CSAD: variants seen among roughly 807,000 people sequenced by gnomAD.
The protein encoded by CSAD is P-selectin cytoplasmic tail-associated protein.
In CSAD, 47 loss-of-function variants were observed where a neutral mutation model predicts 61.5. The ratio of observed to expected loss-of-function variants is 0.76; its 90% CI spans 0.60 to 0.97. The LOEUF (loss-of-function observed/expected upper bound fraction) is 0.97. CSAD is among the 50% of genes least tolerant of loss of function. CSAD has a pLI of 0.00. For missense variants in CSAD, 611 were observed against 643.6 expected (o/e 0.95, Z 0.55); for synonymous variants, 245 against 252.7 (o/e 0.97, Z 0.29).
At chr12:53,171,284 T>C in intron 8 of CSAD, 42 bp downstream of exon 8, 1 of 1,613,100 alleles carries the variant, frequency 6.2e-7, no homozygotes, top group African/African-American at 1.3e-5. Context: ...GGCTGGAGAT[T>C]AGAATCAGGA....
chr12:53,161,675 T>A (rs1002984381), intron 10 of CSAD, among the ~76,000 whole-genome samples: 4 of 152,060 alleles, frequency 2.6e-5, no homozygotes, highest in Non-Finnish European at 4.4e-5. Context: ...TGAAAAAAAA[T>A]TGAGTCAGGC....
chr12:53,178,415 C>A (rs757839213), intron 2 of CSAD: 2 of 455,808 alleles, frequency 4.4e-6, no homozygotes, highest in East Asian at 7.0e-5. Context: ...TTCCTTGAGC[C>A]CAGGAGGTTG....
intron 10 of CSAD, chr12:53,164,860 A>C (rs1210655985): frequency 6.6e-6 from 1 of 152,202 alleles, no homozygotes; most frequent in African/African-American, 2.4e-5. Flanking sequence ...AGACAACATA[A>C]TTTTTTTAAT....
intron 10 of CSAD, among the ~76,000 whole-genome samples, chr12:53,168,560 G>A (rs1294302056): frequency 7.2e-5 from 11 of 151,736 alleles, no homozygotes; most frequent in Admixed American, 6.6e-4. Flanking sequence ...CATTCTATAC[G>A]GCAATTTGCA....
At chr12:53,169,961 G>A (rs1374686108) in intron 10 of CSAD, 111 bp downstream of exon 10, 1 of 919,174 alleles carries the variant, frequency 1.1e-6, no homozygotes, top group Non-Finnish European at 1.8e-6. Flanking sequence ...GCCCACAGGG[G>A]AGATGGGCAT....
rs1939030700 is a variant in CSAD, at chr12:53,159,748, G to T, written c.1219-36C>A. The T allele has an allele frequency of 1.9e-6, 3 of 1,571,994 alleles. No individual in the cohort carries two copies. The East Asian group carries it at 6.9e-5, about 36-fold the overall frequency. ...TGAGAAAGAGGAAGGTGTGAGCTGA[G>T]AAAGGGGGACCGTTTTCCCTCTCCC... On this transcript the variant is annotated intron_variant, in intron 15 of 16. Transcript: ENST00000444623.
chr12:53,160,216 C>A lies in CSAD; in HGVS notation c.1070G>T (p.Gly357Val). Residue 357 changes from glycine to valine, a missense_variant, in exon 14 of 17, where the codon GGC becomes GTC. Physicochemically the swap from Gly to Val is moderately radical, Grantham distance 109. Coordinates refer to ENST00000444623, the MANE Select transcript of CSAD (RefSeq NM_001244705.2). ...CAGCTTCAGACAGTCCACACGGCGG[C>A]CACACTGCACCACCTTGTCTCCCGT... ...LDTGDKVVQC[G>V]RRVDCLKLWL... The A allele has an allele frequency of 6.2e-7, 1 of 1,614,240 alleles. No individual in the cohort carries two copies. Among genetic ancestry groups the A allele is most frequent in the South Asian group, 1.1e-5 (1 of 91,090 alleles).
chr12:53,174,212 G>A (rs1754318884), intron 2 of CSAD, among the ~76,000 whole-genome samples: 1 of 151,734 alleles, frequency 6.6e-6, no homozygotes, highest in African/African-American at 2.4e-5. Context: ...GGAGGCTGAG[G>A]CAGGAGAATG....
In CSAD at chr12:53,173,358, C is replaced by T. The variant is rs1395880559; in HGVS notation, c.113G>A (p.Ser38Asn). 1.2e-6 allele frequency: 2 copies of T among 1,614,190 alleles called. No homozygotes were observed. Among genetic ancestry groups the T allele is most frequent in the Admixed American group, 1.7e-5 (1 of 60,026 alleles). ...VVDEAIQKGT[S>N]VSQKVCEWKE... Reference sequence around the variant, plus strand: ...GAAAGGACTCACCTTCTGGGAGACACTGGTTCCTTTCTGAATGGCCTCATC... The same window carrying T: ...GAAAGGACTCACCTTCTGGGAGACATTGGTTCCTTTCTGAATGGCCTCATC... The change falls in exon 4 of 17, where the codon AGT becomes AAT. Residue 38 changes from serine (S) to asparagine (N), a missense_variant. Coordinates refer to ENST00000444623, the MANE Select transcript of CSAD (RefSeq NM_001244705.2).
chr12:53,165,709 C>T (rs1038857775), intron 10 of CSAD, among the ~76,000 whole-genome samples: 4 of 149,134 alleles, frequency 2.7e-5, no homozygotes, highest in Non-Finnish European at 6.0e-5. Flanking sequence ...CAAGCGTTGA[C>T]AAGGATGTGA....
chr12:53,161,144 G>C lies in CSAD; in HGVS notation c.867C>G (p.Leu289=). ...GTATGCACCTCTGGATCCCATCCAGGAGATGCCTGTGTGTCTGTGACAGCA... is the reference window on the plus strand; with the variant it reads ...GTATGCACCTCTGGATCCCATCCAGCAGATGCCTGTGTGTCTGTGACAGCA... ...SVLLSQTHRH[L]LDGIQRADSV... is the part of the protein sequence containing the mutation. The change falls in exon 12 of 17, where the codon CTC becomes CTG. Residue 289 remains leucine (L), a synonymous_variant. Transcript: ENST00000444623. The C allele has an allele frequency of 1.2e-6, 2 of 1,614,146 alleles. No homozygotes were observed. The highest frequency in any genetic ancestry group is 1.7e-6 in the Non-Finnish European group (2 of 1,180,012).
At chr12:53,172,489 C>G (rs773414843) in intron 5 of CSAD, 33 bp downstream of exon 5, 1 of 1,614,134 alleles carries the variant, frequency 6.2e-7, no homozygotes, top group South Asian at 1.1e-5. Flanking sequence ...GGGCAAACTC[C>G]CAAGTCTCCT....
intron 10 of CSAD, among the ~76,000 whole-genome samples, chr12:53,165,267 G>T (rs1939771487): frequency 6.6e-6 from 1 of 152,074 alleles, no homozygotes; most frequent in African/African-American, 2.4e-5. Context: ...TTTGAGCCCA[G>T]GAGGTCGAGG....
At chr12:53,177,479 G>C (rs755703213) in intron 2 of CSAD, among the ~76,000 whole-genome samples, 1 of 152,008 alleles carries the variant, frequency 6.6e-6, no homozygotes, top group Admixed American at 6.5e-5. Flanking sequence ...ATGGGCAAAG[G>C]ATATGAACAG....
Position 53,170,054 on chromosome 12 carries a change from C to G in CSAD, c.702+18G>C, listed in dbSNP as rs770869402. 9.9e-6 allele frequency: 16 copies of G among 1,610,618 alleles called. No homozygotes were observed. The Admixed American group carries it at 2.2e-4, about 22-fold the overall frequency. On this transcript the variant is annotated intron_variant, in intron 10 of 16. Transcript: ENST00000444623. ...ACAGTTGGAGGCTATATCACCCCAG[C>G]GAGCCTCACTGACTCACCTCAGCCT...
chr12:53,159,495 A>AGCATCCAC lies in CSAD; in HGVS notation c.1308+120_1308+127dup. The AGCATCCAC allele has an allele frequency of 4.2e-6, 3 of 710,290 alleles. No homozygotes were observed. The South Asian group carries it at 5.3e-5, about 13-fold the overall frequency. The allele number at this position is 710,290 out of a possible 1,614,324, so 44.0% of individuals were successfully genotyped here. A position where few individuals can be genotyped will look rare whatever the true frequency, so the allele number is the denominator to read the frequency against. The stretch of plus-strand genomic sequence containing the variant: ...CCATCCCCACCCCTACCGAAAAGAG[A>AGCATCCAC]GCATCCACGCCTCAGAGCAAGAGAC... On this transcript the variant is annotated intron_variant, in intron 16 of 16. Transcript: ENST00000444623.
At chr12:53,164,131 A>G (rs927339266) in intron 10 of CSAD, among the ~76,000 whole-genome samples, 2 of 152,258 alleles carry the variant, frequency 1.3e-5, no homozygotes, top group African/African-American at 4.8e-5. Context: ...CCTAAATCCC[A>G]GGGCTAAAAC....
At position 53,158,609 on chromosome 12, in the gene CSAD, C is replaced by T. The variant is rs761708990; in HGVS notation, c.1384G>A (p.Gly462Ser). Residue 462 changes from glycine to serine, a missense_variant, in exon 17 of 17, where the codon GGC becomes AGC. Coordinates refer to ENST00000444623, the MANE Select transcript of CSAD (RefSeq NM_001244705.2). The part of the protein sequence containing the change: ...MIGYQPHGTR[G>S]NFFRVVVANS... ...GCCACAACCACACGGAAGAAGTTGC[C>T]CCGGGTCCCGTGGGGCTGGTAGCCA... is the stretch of plus-strand genomic sequence containing the variant. 1 of 1,614,148 alleles carries T rather than the reference C, an allele frequency of 6.2e-7. No individual in the cohort carries two copies. The highest frequency in any genetic ancestry group is 1.1e-5 in the South Asian group (1 of 91,080).
chr12:53,159,469 C>T (rs376605731), intron 16 of CSAD, 154 bp downstream of exon 16: 15 of 641,390 alleles, frequency 2.3e-5, no homozygotes, highest in East Asian at 2.2e-4. Context: ...TACCTTCCTC[C>T]CCATCCCCAC....
Sources: gnomAD v4.1 joint callset for allele counts (sites outside exome capture counted in the v4.1 genomes callset) on GRCh38, gnomAD v4.1.1 for gene constraint, MANE v1.5 for transcripts, NCBI Gene and HGNC (gene_info 2026-07-23, HGNC 2026-07-21) for gene names.